NKAIN4: variants seen among roughly 807,000 people sequenced by gnomAD.
NKAIN4 encodes sodium/potassium transporting ATPase interacting 4, also known as sodium/potassium-transporting ATPase subunit beta-1-interacting protein 4.
In NKAIN4, 28 loss-of-function variants were observed where a neutral mutation model predicts 28.8. The ratio of observed to expected loss-of-function variants is 0.97; its 90% CI spans 0.72 to 1.33. The LOEUF is 1.33. Ranked by LOEUF, NKAIN4 falls within the 40% of genes most tolerant of loss-of-function variation. The pLI is 0.00. For synonymous variants in NKAIN4, 122 were observed against 115.6 expected, an observed-to-expected ratio of 1.06 and a Z score of -0.36; for missense variants, 289 against 277.2, an observed-to-expected ratio of 1.04 and a Z score of -0.30.
At chr20:63,243,666 T>C (rs1273837091) in intron 5 of NKAIN4, among the ~76,000 whole-genome samples, 1 of 152,102 alleles carries the variant, frequency 6.6e-6, no homozygotes, top group African/African-American at 2.4e-5. Flanking sequence ...GTCCTGGCCA[T>C]GGGCCCGGTT....
rs571314089 is a variant in NKAIN4, at chr20:63,252,615, C to T, written c.54+1782G>A. Among the ~76,000 whole-genome samples the T allele has an allele frequency of 2.0e-5, 3 of 152,278 alleles. No individual in the cohort carries two copies. The highest frequency in any genetic ancestry group is 3.9e-4 in the East Asian group (2 of 5,170). On this transcript the variant is annotated intron_variant, in intron 1 of 6. Transcript: ENST00000370316. The surrounding 1 kb of genome is among the most constrained non-coding windows in gnomAD (Gnocchi z 4.6). The stretch of plus-strand genomic sequence containing the variant: ...TTGCCAACCCGGCCAGGACAAAAGG[C>T]CTTTGACAGCTCCCTGCTGCGGTTC...
In NKAIN4 at chr20:63,245,063, G is replaced by A. The variant is rs2066831307; in HGVS notation, c.472-979C>T. On this transcript the variant is annotated intron_variant, in intron 4 of 6. Transcript: ENST00000370316. This position sits in a 1 kb window ranked among gnomAD's most constrained non-coding sequence, Gnocchi z 4.7. Reference sequence around the variant, plus strand: ...AGAGGAGACAGGACACGCAGGCCAGGCCCCAGGGCTGGACATGCTTGGGCT... The same window carrying A: ...AGAGGAGACAGGACACGCAGGCCAGACCCCAGGGCTGGACATGCTTGGGCT... Among the ~76,000 whole-genome samples the A allele has an allele frequency of 6.6e-6, 1 of 152,168 alleles. No individual in the cohort carries two copies. Among genetic ancestry groups the A allele is most frequent in the South Asian group, 2.1e-4 (1 of 4,832 alleles).
chr20:63,253,445 G>A (rs960104796), intron 1 of NKAIN4: 12 of 985,426 alleles, frequency 1.2e-5, no homozygotes, highest in Non-Finnish European at 3.6e-6. Context: ...GGACTCCGAG[G>A]GTTTCGCTGC....
intron 1 of NKAIN4, 31 bp from the exon 2 acceptor site, chr20:63,250,103 G>A: frequency 1.3e-6 from 2 of 1,536,560 alleles, no homozygotes; most frequent in Non-Finnish European, 1.8e-6. Context: ...ATGAAGGGTG[G>A]ACCCGAGGGA....
chr20:63,253,176 A>C, intron 1 of NKAIN4: 6 of 982,612 alleles, frequency 6.1e-6, no homozygotes, highest in Non-Finnish European at 7.2e-6. Context: ...GCCCCTCCCC[A>C]CCAGTCTCCT....
chr20:63,243,483 TCTC>T (rs2066798467), intron 5 of NKAIN4, among the ~76,000 whole-genome samples: 1 of 151,990 alleles, frequency 6.6e-6, no homozygotes, highest in African/African-American at 2.4e-5. Context: ...GCTCTATCCT[TCTC>T]CACAGGGTCT....
intron 3 of NKAIN4, 29 bp from the exon 4 acceptor site, chr20:63,247,804 G>C (rs770179309): frequency 1.1e-5 from 16 of 1,427,344 alleles, no homozygotes; most frequent in Non-Finnish European, 1.5e-5. Context: ...AGCAGGGCCG[G>C]TTAGCACCAG....
intron 1 of NKAIN4, among the ~76,000 whole-genome samples, chr20:63,250,611 A>C (rs559456064): frequency 1.5e-5 from 2 of 133,656 alleles, no homozygotes; most frequent in Non-Finnish European, 3.6e-5. Flanking sequence ...GCTCTCTGGC[A>C]GGCAGGCAGC....
intron 1 of NKAIN4, 76 bp from the exon 2 acceptor site, chr20:63,250,148 G>A (rs2123116025): frequency 1.4e-6 from 2 of 1,473,940 alleles, no homozygotes; most frequent in South Asian, 1.4e-5. Flanking sequence ...CTGGGCCAAG[G>A]TGACAGGATC....
At chr20:63,253,437 A>T in intron 1 of NKAIN4, 1 of 985,306 alleles carries the variant, frequency 1.0e-6, no homozygotes, top group Non-Finnish European at 1.2e-6. Context: ...ACAGCCACGG[A>T]CTCCGAGGGT....
rs1259428032 is a variant in NKAIN4, at chr20:63,245,321, G to A, written c.472-1237C>T. Among the ~76,000 whole-genome samples the A allele has an allele frequency of 6.6e-6, 1 of 152,150 alleles. No homozygotes were observed. Among genetic ancestry groups the A allele is most frequent in the African/African-American group, 2.4e-5 (1 of 41,426 alleles). ...AGCGGTGAGGGTGGGCAACCTCCAC[G>A]GCTCGTCCCCCTCCTCACCCCAAAG... On this transcript the variant is annotated intron_variant, in intron 4 of 6. Transcript: ENST00000370316. The surrounding 1 kb of genome is among the most constrained non-coding windows in gnomAD (Gnocchi z 4.7).
At chr20:63,244,756 G>C (rs927107240) in intron 4 of NKAIN4, among the ~76,000 whole-genome samples, 1 of 152,220 alleles carries the variant, frequency 6.6e-6, no homozygotes, top group African/African-American at 2.4e-5. Context: ...GAGGGAAAAA[G>C]GGCTCTGGCA....
intron 5 of NKAIN4, 65 bp downstream of exon 5, chr20:63,243,959 A>T (rs1407911313): frequency 7.2e-7 from 1 of 1,389,188 alleles, no homozygotes; most frequent in East Asian, 2.4e-5. Flanking sequence ...CAGACGGGAC[A>T]GACTCAGAGC....
intron 4 of NKAIN4, chr20:63,244,538 G>T (rs1247444680): frequency 2.1e-6 from 1 of 472,030 alleles, no homozygotes; most frequent in South Asian, 1.5e-5. Flanking sequence ...CAAGCCATCT[G>T]GGATTCTGGT....
At chr20:63,241,939 CA>C (rs2123044642) in intron 6 of NKAIN4, among the ~76,000 whole-genome samples, 1 of 152,296 alleles carries the variant, frequency 6.6e-6, no homozygotes. Flanking sequence ...AGGGGCTACC[CA>C]GGGGCGTGCC....
At chr20:63,246,578 A>C (rs1411683934) in intron 4 of NKAIN4, 2 of 985,208 alleles carry the variant, frequency 2.0e-6, no homozygotes, top group African/African-American at 3.5e-5. Flanking sequence ...TTCAGCTCCC[A>C]CCGCCAGCCG....
At chr20:63,244,378 G>A in intron 4 of NKAIN4, 3 of 520,990 alleles carry the variant, frequency 5.8e-6, no homozygotes, top group South Asian at 3.2e-5. Flanking sequence ...AGCCTGAGTG[G>A]CTGCAGGGAG....
At chr20:63,253,122 G>A in intron 1 of NKAIN4, 1 of 773,746 alleles carries the variant, frequency 1.3e-6, no homozygotes, top group Non-Finnish European at 1.6e-6. Context: ...ACGGGCACTG[G>A]AGTCTTCGAG....
intron 5 of NKAIN4, 156 bp downstream of exon 5, chr20:63,243,868 C>A (rs1271743899): frequency 1.6e-6 from 1 of 628,212 alleles, no homozygotes; most frequent in African/African-American, 1.8e-5. Flanking sequence ...TGTGGCGAGT[C>A]CTCGCTCAGG....
Sources: gnomAD v4.1 joint callset for allele counts (sites outside exome capture counted in the v4.1 genomes callset) on GRCh38, gnomAD v4.1.1 for gene constraint, Gnocchi (gnomAD v3.1) non-coding constraint, MANE v1.5 for transcripts, NCBI Gene and HGNC (gene_info 2026-07-23, HGNC 2026-07-21) for gene names.